Variants in SPPL2C observed in about 807,000 individuals in gnomAD.
SPPL2C encodes the protein signal peptide peptidase like 2C, also known as signal peptide peptidase-like 2C.
SPPL2C carries 33 observed loss-of-function variants against 38.8 expected under a neutral mutation model. That is an observed-to-expected ratio of 0.85 (90% CI 0.64 to 1.14). The LOEUF is 1.14. Ranked by LOEUF, SPPL2C falls within the 50% of genes most tolerant of loss-of-function variation. SPPL2C has a pLI of 0.00. For missense variants in SPPL2C, 899 were observed against 904.4 expected (o/e 0.99, Z 0.08); for synonymous variants, 384 against 390.7 (o/e 0.98, Z 0.20).
chr17:45,846,713 G>A lies in SPPL2C; in HGVS notation c.1807G>A (p.Gly603Ser). The A allele has an allele frequency of 1.2e-6, 2 of 1,614,200 alleles. No individual in the cohort carries two copies. Among genetic ancestry groups the A allele is most frequent in the Non-Finnish European group, 1.7e-6 (2 of 1,180,046 alleles). The change falls in exon 1 of 1, where the codon GGC (glycine) becomes AGC (serine). Residue 603 changes from glycine (G) to serine (S), a missense_variant. Physicochemically the swap from Gly to Ser is moderately conservative, Grantham distance 56. Coordinates refer to ENST00000329196, the MANE Select transcript of SPPL2C (RefSeq NM_175882.3). ...NPEDRSDSSEGWSDAHLDPNE... is the reference protein window; with the variant it reads ...NPEDRSDSSESWSDAHLDPNE... ...AGAGGACCGCAGTGATAGCTCCGAGGGCTGGAGTGACGCCCACTTGGATCC... is the reference window on the plus strand; with the variant it reads ...AGAGGACCGCAGTGATAGCTCCGAGAGCTGGAGTGACGCCCACTTGGATCC...
Position 45,846,902 on chromosome 17 carries a change from C to T in SPPL2C, c.1996C>T (p.Leu666Phe), listed in dbSNP as rs1426667133. 6.2e-7 allele frequency: 1 copy of T among 1,601,034 alleles called. No homozygotes were observed. Among genetic ancestry groups the T allele is most frequent in the South Asian group, 1.1e-5 (1 of 90,658 alleles). ...AHETGLPWAGLHKRKGLKVRK... is the reference protein window; with the variant it reads ...AHETGLPWAGFHKRKGLKVRK... ...CGAGACTGGCCTGCCCTGGGCGGGACTCCACAAGAGGAAGGGTTTGAAAGT... is the reference window on the plus strand; with the variant it reads ...CGAGACTGGCCTGCCCTGGGCGGGATTCCACAAGAGGAAGGGTTTGAAAGT... The change falls in exon 1 of 1, where the codon CTC (leucine) becomes TTC (phenylalanine). Residue 666 changes from leucine (L) to phenylalanine (F), a missense_variant. Physicochemically the swap from Leu to Phe is conservative, Grantham distance 22 (BLOSUM62 0). Coordinates refer to ENST00000329196, the MANE Select transcript of SPPL2C (RefSeq NM_175882.3).
At position 45,846,805 on chromosome 17, in the gene SPPL2C, G is replaced by A; in HGVS notation, c.1899G>A (p.Met633Ile). The A allele has an allele frequency of 6.2e-7, 1 of 1,614,056 alleles. No individual in the cohort carries two copies. The highest frequency in any genetic ancestry group is 8.5e-7 in the Non-Finnish European group (1 of 1,179,984). Reference sequence around the variant, plus strand: ...TGATGCCACTGATGCCAATGGCCATGCTGATCCCACTCATGCCCCTGATGC... The same window carrying A: ...TGATGCCACTGATGCCAATGGCCATACTGATCCCACTCATGCCCCTGATGC... Reference protein sequence around the residue: ...EELMPLMPMAMLIPLMPLMPP... With the variant: ...EELMPLMPMAILIPLMPLMPP... Residue 633 changes from methionine to isoleucine, a missense_variant, in exon 1 of 1, where the codon ATG becomes ATA. By Grantham distance (10) the Met-to-Ile change is conservative. Transcript: ENST00000329196.
In SPPL2C at chr17:45,846,423, C is replaced by T; in HGVS notation, c.1517C>T (p.Ser506Phe). Reference sequence around the variant, plus strand: ...CAACCTGCCTTGCTCTACCTAGTGTCCAGCACCCTGCTCACCAGCCTGGCT... The same window carrying T: ...CAACCTGCCTTGCTCTACCTAGTGTTCAGCACCCTGCTCACCAGCCTGGCT... ...MGQPALLYLVSSTLLTSLAVA... is the reference protein window; with the variant it reads ...MGQPALLYLVFSTLLTSLAVA... The change falls in exon 1 of 1, where the codon TCC (serine) becomes TTC (phenylalanine). Residue 506 changes from serine (S) to phenylalanine (F), a missense_variant. By Grantham distance (155) the Ser-to-Phe change is radical (BLOSUM62 -2). Coordinates refer to ENST00000329196, the MANE Select transcript of SPPL2C (RefSeq NM_175882.3). 1.2e-6 allele frequency: 2 copies of T among 1,613,232 alleles called. No individual in the cohort carries two copies.
chr17:45,845,161 C>T lies in SPPL2C; in HGVS notation c.255C>T (p.Ser85=). The part of the protein sequence containing the change: ...SPHQAQLRSP[S]QRPLRQTTAM... ...ACCAGGCCCAGCTCCGCTCCCCCAG[C>T]CAGCGGCCCCTCCGCCAGACCACTG... The change falls in exon 1 of 1, where the codon AGC becomes AGT. Residue 85 remains serine, a synonymous_variant. Coordinates refer to ENST00000329196, the MANE Select transcript of SPPL2C (RefSeq NM_175882.3). 4 of 1,612,470 alleles carry T rather than the reference C, an allele frequency of 2.5e-6. No homozygotes were observed. The highest frequency in any genetic ancestry group is 3.4e-6 in the Non-Finnish European group (4 of 1,178,766).
At position 45,846,260 on chromosome 17, in the gene SPPL2C, C is replaced by T; in HGVS notation, c.1354C>T (p.Pro452Ser). Residue 452 changes from proline to serine, a missense_variant, in exon 1 of 1, where the codon CCC (proline) becomes TCC (serine). Physicochemically the swap from Pro to Ser is moderately conservative, Grantham distance 74. Coordinates refer to ENST00000329196, the MANE Select transcript of SPPL2C (RefSeq NM_175882.3). ...CCTTGGCTTCGGTGACATTGTGGTC[C>T]CCGGCTTCCTGGTTGCTTACTGTTG... Reference protein sequence around the residue: ...SILGFGDIVVPGFLVAYCCRF... With the variant: ...SILGFGDIVVSGFLVAYCCRF... 1 of 1,614,154 alleles carries T rather than the reference C, an allele frequency of 6.2e-7. No individual in the cohort carries two copies. Among genetic ancestry groups the T allele is most frequent in the Non-Finnish European group, 8.5e-7 (1 of 1,180,024 alleles).
Position 45,846,995 on chromosome 17 carries a change from G to C in SPPL2C, c.*34G>C, listed in dbSNP as rs1040137483. ...CACTGGGACACACGCCTCTCAAAGG[G>C]CTGGTGGAACATTGCAGAGCAAAGC... On this transcript the variant is annotated 3_prime_UTR_variant, in exon 1 of 1. Transcript: ENST00000329196. 6.6e-7 allele frequency: 1 copy of C among 1,512,198 alleles called. No homozygotes were observed. The highest frequency in any genetic ancestry group is 8.8e-7 in the Non-Finnish European group (1 of 1,136,170). The allele number at this position is 1,512,198 out of a possible 1,614,324, so 93.7% of individuals were successfully genotyped here.
chr17:45,845,067 A>G lies in SPPL2C; in HGVS notation c.161A>G (p.His54Arg), dbSNP rs574576215. 12 of 1,613,962 alleles carry G rather than the reference A, an allele frequency of 7.4e-6. No individual in the cohort carries two copies. In the South Asian group the frequency reaches 1.3e-4, roughly 18 times the overall value. Reference protein sequence around the residue: ...SDYITLPRDLHHAPLLPLYDG... With the variant: ...SDYITLPRDLRHAPLLPLYDG... ...TACATCACCCTCCCCCGGGACCTGC[A>G]CCACGCCCCACTCCTGCCCCTGTAT... Residue 54 changes from histidine (H) to arginine (R), a missense_variant, in exon 1 of 1, where the codon CAC (histidine) becomes CGC (arginine). By Grantham distance (29) the His-to-Arg change is conservative. Transcript: ENST00000329196.
rs781492383 is a variant in SPPL2C, at chr17:45,844,979, G to T, written c.73G>T (p.Gly25Cys). ...LISTVAGGKYGVAHVVSENWS... is the reference protein window; with the variant it reads ...LISTVAGGKYCVAHVVSENWS... ...CAGCACCGTGGCCGGGGGAAAGTACGGCGTGGCCCACGTGGTGTCGGAGAA... is the reference window on the plus strand; with the variant it reads ...CAGCACCGTGGCCGGGGGAAAGTACTGCGTGGCCCACGTGGTGTCGGAGAA... Residue 25 changes from glycine (G) to cysteine (C), a missense_variant, in exon 1 of 1, where the codon GGC (glycine) becomes TGC (cysteine). Gly to Cys is a radical substitution (Grantham distance 159, BLOSUM62 -3). Transcript: ENST00000329196. The T allele has an allele frequency of 6.2e-7, 1 of 1,614,126 alleles. No homozygotes were observed. Among genetic ancestry groups the T allele is most frequent in the East Asian group, 2.2e-5 (1 of 44,874 alleles).
In SPPL2C at chr17:45,844,927, C is replaced by G; in HGVS notation, c.21C>G (p.Leu7=). Residue 7 remains leucine, a synonymous_variant, in exon 1 of 1, where the codon CTC becomes CTG. Transcript: ENST00000329196. MACLGF[L]LPVGFLLLIS... Reference sequence around the variant, plus strand: ...AGAAGATGGCGTGCCTGGGCTTCCTCCTCCCCGTGGGCTTCCTCCTCCTCA... The same window carrying G: ...AGAAGATGGCGTGCCTGGGCTTCCTGCTCCCCGTGGGCTTCCTCCTCCTCA... The G allele has an allele frequency of 6.2e-7, 1 of 1,607,630 alleles. No individual in the cohort carries two copies. The highest frequency in any genetic ancestry group is 8.5e-7 in the Non-Finnish European group (1 of 1,175,188).
At position 45,846,456 on chromosome 17, in the gene SPPL2C, C is replaced by T. The variant is rs747871106; in HGVS notation, c.1550C>T (p.Ala517Val). The change falls in exon 1 of 1, where the codon GCC becomes GTC. Residue 517 changes from alanine to valine, a missense_variant. Physicochemically the swap from Ala to Val is moderately conservative, Grantham distance 64 (BLOSUM62 0). Coordinates refer to ENST00000329196, the MANE Select transcript of SPPL2C (RefSeq NM_175882.3). Reference protein sequence around the residue: ...STLLTSLAVAACRQELSLFWT... With the variant: ...STLLTSLAVAVCRQELSLFWT... ...CTGCTCACCAGCCTGGCTGTGGCTG[C>T]CTGCCGCCAAGAGCTCAGCCTCTTC... 6.2e-7 allele frequency: 1 copy of T among 1,612,812 alleles called. No individual in the cohort carries two copies. Among genetic ancestry groups the T allele is most frequent in the South Asian group, 1.1e-5 (1 of 91,084 alleles).
At position 45,845,623 on chromosome 17, in the gene SPPL2C, C is replaced by A; in HGVS notation, c.717C>A (p.Ala239=). Residue 239 remains alanine, a synonymous_variant, in exon 1 of 1, where the codon GCC becomes GCA. Coordinates refer to ENST00000329196, the MANE Select transcript of SPPL2C (RefSeq NM_175882.3). The stretch of plus-strand genomic sequence containing the variant: ...AGGAAGCTGCAGCAGCTGAGGGAGC[C>A]CAGAAGGAAGATAATGAGGACATCC... ...QLQEAAAAEG[A]QKEDNEDIPV... is the part of the protein sequence containing the mutation. 1 of 1,612,244 alleles carries A rather than the reference C, an allele frequency of 6.2e-7. No homozygotes were observed. The highest frequency in any genetic ancestry group is 8.5e-7 in the Non-Finnish European group (1 of 1,179,436).
chr17:45,845,741 T>TAGAAGACCA lies in SPPL2C; in HGVS notation c.836_837insGAAGACCAA (p.Tyr279delinsTer). The TAGAAGACCA allele has an allele frequency of 1.2e-6, 2 of 1,613,290 alleles. No homozygotes were observed. Among genetic ancestry groups the TAGAAGACCA allele is most frequent in the Non-Finnish European group, 1.7e-6 (2 of 1,180,032 alleles). On this transcript the variant is annotated stop_gained, in exon 1 of 1. Coordinates refer to ENST00000329196, the MANE Select transcript of SPPL2C (RefSeq NM_175882.3). LOFTEE classifies it high-confidence loss of function. ...CTACTTCTTCTATGACCACTTTGTC[T>TAGAAGACCA]ATGTCACCATTGGGATCTTTGGCCT...
In SPPL2C at chr17:45,844,994, G is replaced by A; in HGVS notation, c.88G>A (p.Val30Met). Residue 30 changes from valine (V) to methionine (M), a missense_variant, in exon 1 of 1, where the codon GTG becomes ATG. Val to Met is a conservative substitution (Grantham distance 21). Coordinates refer to ENST00000329196, the MANE Select transcript of SPPL2C (RefSeq NM_175882.3). ...AGGKYGVAHV[V>M]SENWSKDYCI... ...GGGAAAGTACGGCGTGGCCCACGTG[G>A]TGTCGGAGAATTGGAGCAAGGACTA... is the stretch of plus-strand genomic sequence containing the variant. 6.2e-7 allele frequency: 1 copy of A among 1,614,122 alleles called. No individual in the cohort carries two copies. Among genetic ancestry groups the A allele is most frequent in the Middle Eastern group, 1.6e-4 (1 of 6,062 alleles).
Position 45,845,487 on chromosome 17 carries a change from C to A in SPPL2C, c.581C>A (p.Ala194Asp), listed in dbSNP as rs757331774. The change falls in exon 1 of 1, where the codon GCT becomes GAT. Residue 194 changes from alanine to aspartate, a missense_variant. Physicochemically the swap from Ala to Asp is moderately radical, Grantham distance 126 (BLOSUM62 -2). Transcript: ENST00000329196. ...DYNMLVIFILAVGTVAAGGYW... is the reference protein window; with the variant it reads ...DYNMLVIFILDVGTVAAGGYW... The stretch of plus-strand genomic sequence containing the variant: ...AACATGCTGGTCATCTTCATCCTGG[C>A]TGTGGGCACAGTGGCTGCAGGCGGC... 1.9e-6 allele frequency: 3 copies of A among 1,606,846 alleles called. No homozygotes were observed. The highest frequency in any genetic ancestry group is 2.5e-6 in the Non-Finnish European group (3 of 1,178,232).
At position 45,845,761 on chromosome 17, in the gene SPPL2C, T is replaced by A; in HGVS notation, c.855T>A (p.Phe285Leu). 1 of 1,612,398 alleles carries A rather than the reference T, an allele frequency of 6.2e-7. No individual in the cohort carries two copies. The highest frequency in any genetic ancestry group is 2.2e-5 in the East Asian group (1 of 44,890). Residue 285 changes from phenylalanine (F) to leucine (L), a missense_variant, in exon 1 of 1, where the codon TTT (phenylalanine) becomes TTA (leucine). By Grantham distance (22) the Phe-to-Leu change is conservative. Coordinates refer to ENST00000329196, the MANE Select transcript of SPPL2C (RefSeq NM_175882.3). Reference protein sequence around the residue: ...DHFVYVTIGIFGLGAGIGLYS... With the variant: ...DHFVYVTIGILGLGAGIGLYS... The stretch of plus-strand genomic sequence containing the variant: ...TTGTCTATGTCACCATTGGGATCTT[T>A]GGCCTGGGTGCTGGCATTGGCCTCT...
At position 45,846,286 on chromosome 17, in the gene SPPL2C, C is replaced by A; in HGVS notation, c.1380C>A (p.Cys460Ter). Reference protein sequence around the residue: ...VVPGFLVAYCCRFDVQVCSRQ... With the variant: ...VVPGFLVAYC ...CCGGCTTCCTGGTTGCTTACTGTTG[C>A]CGCTTTGATGTGCAAGTCTGCTCCC... Residue 460 changes from cysteine to a stop codon, truncating the protein, a stop_gained, in exon 1 of 1, where the codon TGC (cysteine) becomes TGA (stop). Transcript: ENST00000329196. LOFTEE classifies it high-confidence loss of function. 6.2e-7 allele frequency: 1 copy of A among 1,614,198 alleles called. No homozygotes were observed. Among genetic ancestry groups the A allele is most frequent in the Non-Finnish European group, 8.5e-7 (1 of 1,180,042 alleles).
In SPPL2C at chr17:45,846,604, C is replaced by T. The variant is rs2062549583; in HGVS notation, c.1698C>T (p.Ser566=). ...HTASTLERGT[S]RGAGDLDSNP... ...CCAGCACACTTGAGAGAGGCACCAG[C>T]CGAGGAGCAGGGGACTTAGACAGCA... The change falls in exon 1 of 1, where the codon AGC becomes AGT. Residue 566 remains serine, a synonymous_variant. Coordinates refer to ENST00000329196, the MANE Select transcript of SPPL2C (RefSeq NM_175882.3). The T allele has an allele frequency of 6.2e-7, 1 of 1,613,984 alleles. No individual in the cohort carries two copies. Among genetic ancestry groups the T allele is most frequent in the Non-Finnish European group, 8.5e-7 (1 of 1,180,040 alleles).
Position 45,845,474 on chromosome 17 carries a change from A to G in SPPL2C, c.568A>G (p.Ile190Val), listed in dbSNP as rs367977163. The G allele has an allele frequency of 1.2e-6, 2 of 1,608,570 alleles. No individual in the cohort carries two copies. Among genetic ancestry groups the G allele is most frequent in the Non-Finnish European group, 1.7e-6 (2 of 1,179,066 alleles). Residue 190 changes from isoleucine (I) to valine (V), a missense_variant, in exon 1 of 1, where the codon ATC (isoleucine) becomes GTC (valine). Physicochemically the swap from Ile to Val is conservative, Grantham distance 29 (BLOSUM62 3). Coordinates refer to ENST00000329196, the MANE Select transcript of SPPL2C (RefSeq NM_175882.3). ...CATCATCGACTACAACATGCTGGTC[A>G]TCTTCATCCTGGCTGTGGGCACAGT... ...EPIIDYNMLV[I>V]FILAVGTVAA... is the part of the protein sequence containing the mutation.
In SPPL2C at chr17:45,846,994, G is replaced by A; in HGVS notation, c.*33G>A. On this transcript the variant is annotated 3_prime_UTR_variant, in exon 1 of 1. Coordinates refer to ENST00000329196, the MANE Select transcript of SPPL2C (RefSeq NM_175882.3). ...GCACTGGGACACACGCCTCTCAAAG[G>A]GCTGGTGGAACATTGCAGAGCAAAG... The A allele has an allele frequency of 1.3e-6, 2 of 1,512,686 alleles. No homozygotes were observed. The highest frequency in any genetic ancestry group is 1.8e-6 in the Non-Finnish European group (2 of 1,136,500). 93.7% of individuals were successfully genotyped at this position (1,512,686 alleles called of 1,614,324 possible). A position where few individuals can be genotyped will look rare whatever the true frequency, so the allele number is the denominator to read the frequency against.
Sources: gnomAD v4.1 joint callset for allele counts on GRCh38, gnomAD v4.1.1 for gene constraint, MANE v1.5 for transcripts, NCBI Gene and HGNC (gene_info 2026-07-23, HGNC 2026-07-21) for gene names.